ANK1: variants seen among roughly 807,000 people sequenced by gnomAD.
ANK1 encodes ankyrin 1.
A neutral mutation model predicts 210.4 loss-of-function variants in ANK1; 51 were observed. The observed-to-expected ratio is 0.24, with a 90% CI of 0.19 to 0.31. ANK1 has a LOEUF of 0.31. ANK1 is among the 10% of genes least tolerant of loss of function. The pLI, the probability that ANK1 is intolerant of heterozygous loss-of-function variation, is 1.00. For missense variants in ANK1, 2,051 were observed against 2,504.4 expected (o/e 0.82, Z 3.86); for synonymous variants, 967 against 1,025.9 (o/e 0.94, Z 1.10).
At chr8:41,666,454 G>A (rs576041418) in intron 39 of ANK1, among the ~76,000 whole-genome samples, 10 of 152,302 alleles carry the variant, frequency 6.6e-5, no homozygotes, top group African/African-American at 2.4e-4. Context: ...AAAGCACGGG[G>A]AAAAGTATGT....
intron 2 of ANK1, among the ~76,000 whole-genome samples, chr8:41,736,558 A>G (rs903833143): frequency 6.6e-6 from 1 of 152,186 alleles, no homozygotes; most frequent in Non-Finnish European, 1.5e-5. Context: ...CTGGCCGCTT[A>G]CTGCGGGAAG....
chr8:41,690,293 C>T lies in ANK1; in HGVS notation c.4038G>A (p.Ala1346=), dbSNP rs199719745. The T allele has an allele frequency of 6.8e-6, 11 of 1,614,242 alleles. No individual in the cohort carries two copies. Among genetic ancestry groups the T allele is most frequent in the African/African-American group, 2.7e-5 (2 of 75,056 alleles). ...PGGSLSFLRK[A]MKYEDTQHIL... ...TGTGCTGGGTGTCCTCGTACTTCAT[C>T]GCCTTGCGCAGAAACGACAGGGACC... is the stretch of plus-strand genomic sequence containing the variant. Residue 1346 remains alanine, a synonymous_variant, in exon 33 of 43, where the codon GCG becomes GCA. Coordinates refer to ENST00000289734, the MANE Select transcript of ANK1 (RefSeq NM_000037.4).
intron 37 of ANK1, among the ~76,000 whole-genome samples, chr8:41,675,455 A>C (rs1254925557): frequency 6.6e-6 from 1 of 152,232 alleles, no homozygotes; most frequent in Non-Finnish European, 1.5e-5. Context: ...CACAACAACC[A>C]CATGAGGAAA....
intron 34 of ANK1, 46 bp downstream of exon 34, chr8:41,688,465 C>G (rs1332864618): frequency 6.2e-7 from 1 of 1,600,482 alleles, no homozygotes; most frequent in Non-Finnish European, 8.6e-7. Flanking sequence ...CACGCCCACC[C>G]TTCTTGGGAA....
At chr8:41,734,140 C>T (rs1298307578) in intron 2 of ANK1, 71 bp from the exon 3 acceptor site, 9 of 1,324,136 alleles carry the variant, frequency 6.8e-6, no homozygotes, top group Non-Finnish European at 7.6e-6. Context: ...CAGTGGGGGC[C>T]CAGGCCCCTT....
In ANK1 at chr8:41,708,987, G is replaced by A; in HGVS notation, c.1801-12C>T. The A allele has an allele frequency of 1.2e-6, 2 of 1,613,582 alleles. No individual in the cohort carries two copies. Among genetic ancestry groups the A allele is most frequent in the East Asian group, 4.5e-5 (2 of 44,884 alleles). The stretch of plus-strand genomic sequence containing the variant: ...GGGGTGTAGCCATTCTGAAACAGAA[G>A]AAGCCGCCCAGAGCCTGGTTACAGG... On this transcript the variant is annotated splice_polypyrimidine_tract_variant and intron_variant, in intron 16 of 42. Coordinates refer to ENST00000289734, the MANE Select transcript of ANK1 (RefSeq NM_000037.4).
intron 1 of ANK1, among the ~76,000 whole-genome samples, chr8:41,832,304 C>T (rs1308242452): frequency 6.6e-6 from 1 of 151,976 alleles, no homozygotes; most frequent in African/African-American, 2.4e-5. Context: ...CTGGGACCCA[C>T]CTCCCTCCCC....
rs556621470 is a variant in ANK1, at chr8:41,698,424, G to A, written c.2559-303C>T. 9.2e-5 allele frequency among the ~76,000 whole-genome samples: 14 copies of A among 152,334 alleles called. No individual in the cohort carries two copies. In the South Asian group the frequency reaches 2.5e-3, roughly 27 times the overall value. ...CATTTCGATCCCACCAAATGAGTCCGTAAGTTGCTTACGGTCAGGGTTACA... is the reference window on the plus strand; with the variant it reads ...CATTTCGATCCCACCAAATGAGTCCATAAGTTGCTTACGGTCAGGGTTACA... On this transcript the variant is annotated intron_variant, in intron 23 of 42. Transcript: ENST00000289734.
chr8:41,775,407 T>A (rs1586864157), intron 1 of ANK1, among the ~76,000 whole-genome samples: 1 of 152,324 alleles, frequency 6.6e-6, no homozygotes, highest in East Asian at 1.9e-4. Context: ...CCCCTGGAGT[T>A]TGTCCAGCCT....
intron 1 of ANK1, among the ~76,000 whole-genome samples, chr8:41,772,497 G>GGTT (rs1843143222): frequency 6.6e-6 from 1 of 152,094 alleles, no homozygotes; most frequent in South Asian, 2.1e-4. Context: ...CAGAGGTGTG[G>GGTT]GTTGTCACTG....
At chr8:41,661,767 G>A (rs368896385) in intron 41 of ANK1, 109 bp downstream of exon 41, 18 of 1,611,316 alleles carry the variant, frequency 1.1e-5, no homozygotes, top group Non-Finnish European at 1.5e-5. Context: ...CAGTGATGGC[G>A]CTGGGTCCCC....
intron 37 of ANK1, among the ~76,000 whole-genome samples, chr8:41,676,795 C>T (rs1287491960): frequency 1.3e-5 from 2 of 152,108 alleles, no homozygotes; most frequent in African/African-American, 4.8e-5. Context: ...AGATTTTTTG[C>T]ATAAATGTTC....
intron 1 of ANK1, among the ~76,000 whole-genome samples, chr8:41,826,834 C>T (rs556055147): frequency 4.6e-5 from 7 of 152,202 alleles, no homozygotes; most frequent in African/African-American, 1.2e-4. Flanking sequence ...ACATTCTGCT[C>T]TTATCCTTGG....
At chr8:41,786,628 G>A (rs1191126723) in intron 1 of ANK1, among the ~76,000 whole-genome samples, 3 of 152,144 alleles carry the variant, frequency 2.0e-5, no homozygotes, top group South Asian at 2.1e-4. Flanking sequence ...TGAGACATTC[G>A]GAGCAATTTG....
intron 1 of ANK1, among the ~76,000 whole-genome samples, chr8:41,870,892 T>C (rs1815351743): frequency 6.6e-6 from 1 of 152,180 alleles, no homozygotes; most frequent in Non-Finnish European, 1.5e-5. Context: ...ACACTCCTTC[T>C]GGAATCAAGG....
chr8:41,796,772 C>T (rs1269303692), intron 1 of ANK1, among the ~76,000 whole-genome samples: 1 of 151,768 alleles, frequency 6.6e-6, no homozygotes, highest in Non-Finnish European at 1.5e-5. Context: ...AAACTAAGAA[C>T]CGTACCCAAC....
rs893543042 is a variant in ANK1 at position 41,664,720 on chromosome 8, C to T, written c.5395-978G>A. ...CTCCGGCGTCTCCCAACTCTGGGTCCGGAGCTCCCCACAGCAGCGTCCCCT... is the reference window on the plus strand; with the variant it reads ...CTCCGGCGTCTCCCAACTCTGGGTCTGGAGCTCCCCACAGCAGCGTCCCCT... On this transcript the variant is annotated intron_variant, in intron 39 of 42. Coordinates refer to ENST00000289734, the MANE Select transcript of ANK1 (RefSeq NM_000037.4). 26 of 1,366,296 alleles carry T rather than the reference C, an allele frequency of 1.9e-5. No homozygotes were observed. The Admixed American group carries it at 2.2e-4, about 11-fold the overall frequency. 84.6% of individuals were successfully genotyped at this position (1,366,296 alleles called of 1,614,324 possible).
intron 1 of ANK1, among the ~76,000 whole-genome samples, chr8:41,773,077 C>A (rs772704993): frequency 2.6e-5 from 4 of 152,170 alleles, no homozygotes; most frequent in Non-Finnish European, 5.9e-5. Flanking sequence ...CCTGGTCATT[C>A]CTTCTTAACC....
At position 41,841,820 on chromosome 8, in the gene ANK1, C is replaced by T. The variant is rs866201136; in HGVS notation, c.126+54535G>A. 2.0e-5 allele frequency among the ~76,000 whole-genome samples: 3 copies of T among 152,332 alleles called. No individual in the cohort carries two copies. The South Asian group carries it at 6.2e-4, about 32-fold the overall frequency. ...CTCTATTTCCTCCTCAAAGGGTAAA[C>T]CCGGAGACATGGTCCTAACTGGTAA... On this transcript the variant is annotated intron_variant, in intron 1 of 42. Coordinates refer to the ANK1 transcript ENST00000265709.
Sources: gnomAD v4.1 joint callset for allele counts (sites outside exome capture counted in the v4.1 genomes callset) on GRCh38, gnomAD v4.1.1 for gene constraint, MANE v1.5 for transcripts, NCBI Gene and HGNC (gene_info 2026-07-23, HGNC 2026-07-21) for gene names.